Variants in OR2C1 observed in about 807,000 individuals in gnomAD.
OR2C1 encodes olfactory receptor 2C1.
For missense variants in OR2C1, 468 were observed against 388.3 expected (o/e 1.21, Z -1.73); for synonymous variants, 209 against 167.3 (o/e 1.25, Z -1.92).
the OR2C1 span, among the ~76,000 whole-genome samples, chr16:3,344,890 C>T: frequency 3.3e-5 from 5 of 152,014 alleles, 1 homozygote; most frequent in South Asian, 4.2e-4. Context: ...GTCAATTATC[C>T]GTTATGGACT....
At chr16:3,328,479 G>A in the OR2C1 span, among the ~76,000 whole-genome samples, 1 of 152,162 alleles carries the variant, frequency 6.6e-6, no homozygotes, top group Non-Finnish European at 1.5e-5. Context: ...ATTCAACATT[G>A]GGAAGATATT....
upstream of OR2C1, among the ~76,000 whole-genome samples, chr16:3,351,221 T>TTTC (rs1567284936): frequency 6.1e-3 from 28 of 4,600 alleles, no homozygotes; most frequent in African/African-American, 0.024. Context: ...TTTCTTTTTC[T>TTTC]TTTTCTTTTT....
upstream of OR2C1, among the ~76,000 whole-genome samples, chr16:3,352,681 C>G (rs2030590623): frequency 6.6e-6 from 1 of 151,682 alleles, no homozygotes; most frequent in African/African-American, 2.4e-5. Flanking sequence ...CAGCCCCCCA[C>G]AGACCAAACA....
At chr16:3,355,061 A>T (rs568423626), upstream of OR2C1, among the ~76,000 whole-genome samples, 1 of 152,226 alleles carries the variant, frequency 6.6e-6, no homozygotes, top group South Asian at 2.1e-4. Context: ...TGGTTTTGTC[A>T]TCATGAGGCA....
At position 3,356,630 on chromosome 16, in the gene OR2C1, T is replaced by C. The variant is rs568122326; in HGVS notation, c.690T>C (p.Ser230=). The C allele has an allele frequency of 3.1e-6, 5 of 1,614,204 alleles. No homozygotes were observed. Among genetic ancestry groups the C allele is most frequent in the Non-Finnish European group, 4.2e-6 (5 of 1,180,032 alleles). The change falls in exon 1 of 1, where the codon TCT becomes TCC. Residue 230 remains serine, a synonymous_variant. Coordinates refer to ENST00000304936, the MANE Select transcript of OR2C1 (RefSeq NM_012368.3). Reference sequence around the variant, plus strand: ...CTCAGGCAGTGCTGAAAATCCGCTCTGCAGAGGGGAGGCGAAAGGCGTTCA... The same window carrying C: ...CTCAGGCAGTGCTGAAAATCCGCTCCGCAGAGGGGAGGCGAAAGGCGTTCA... ...LIAQAVLKIR[S]AEGRRKAFNT...
the OR2C1 span, chr16:3,323,979 G>C: frequency 9.4e-6 from 5 of 532,378 alleles, no homozygotes; most frequent in Non-Finnish European, 1.3e-5. Flanking sequence ...AAACCAATAG[G>C]TATACTTCCA....
chr16:3,325,038 A>G, the OR2C1 span, among the ~76,000 whole-genome samples: 1 of 152,114 alleles, frequency 6.6e-6, no homozygotes, highest in Non-Finnish European at 1.5e-5. Flanking sequence ...CTGGAGTGCA[A>G]TGGCATGATC....
At chr16:3,325,368 C>G in the OR2C1 span, among the ~76,000 whole-genome samples, 3 of 151,492 alleles carry the variant, frequency 2.0e-5, no homozygotes, top group East Asian at 5.8e-4. Flanking sequence ...ATCCTCCTGC[C>G]TTGGCTTCCC....
the OR2C1 span, among the ~76,000 whole-genome samples, chr16:3,328,071 T>G: frequency 6.6e-6 from 1 of 152,324 alleles, no homozygotes; most frequent in South Asian, 2.1e-4. Context: ...AATGAGGAAT[T>G]TTCTCTCCTT....
chr16:3,334,411 C>G, the OR2C1 span, among the ~76,000 whole-genome samples: 8 of 151,596 alleles, frequency 5.3e-5, 1 homozygote, highest in African/African-American at 1.9e-4. Context: ...GCTGGGATTA[C>G]AGACTTGAGT....
chr16:3,352,264 C>T (rs2030583980), upstream of OR2C1, among the ~76,000 whole-genome samples: 1 of 151,730 alleles, frequency 6.6e-6, no homozygotes, highest in South Asian at 2.1e-4. Context: ...CTACAGGCGC[C>T]CACCACCACG....
Position 3,356,723 on chromosome 16 carries a change from TC to T in OR2C1, c.785del (p.Pro262ArgfsTer24). 1.2e-6 allele frequency: 2 copies of T among 1,614,132 alleles called. No homozygotes were observed. Among genetic ancestry groups the T allele is most frequent in the Non-Finnish European group, 1.7e-6 (2 of 1,180,010 alleles). On this transcript the variant is annotated frameshift_variant, in exon 1 of 1. Coordinates refer to ENST00000304936, the MANE Select transcript of OR2C1 (RefSeq NM_012368.3). LOFTEE classifies it low-confidence loss of function (END_TRUNC). ...YGSASYGYLLPAKNSKQDQGK... is the reference protein window; with the variant it reads ...YGSASYGYLLXAKNSKQDQGK... ...GCTCAGCCAGCTATGGGTATCTGCTTCCGGCCAAGAACAGCAAACAGGACCA... is the reference window on the plus strand; with the variant it reads ...GCTCAGCCAGCTATGGGTATCTGCTTCGGCCAAGAACAGCAAACAGGACCA...
At chr16:3,327,510 T>C in the OR2C1 span, among the ~76,000 whole-genome samples, 1 of 151,912 alleles carries the variant, frequency 6.6e-6, no homozygotes, top group Non-Finnish European at 1.5e-5. Flanking sequence ...AAGATGGCTT[T>C]GTAAGAAGAC....
chr16:3,342,985 A>G, the OR2C1 span, among the ~76,000 whole-genome samples: 1 of 152,200 alleles, frequency 6.6e-6, no homozygotes, highest in Admixed American at 6.5e-5. Context: ...AAGGTTACAT[A>G]CTGTGCAGCT....
At chr16:3,334,170 A>T in the OR2C1 span, among the ~76,000 whole-genome samples, 168 of 138,816 alleles carry the variant, frequency 1.2e-3, 2 homozygotes, top group Non-Finnish European at 2.3e-3. Flanking sequence ...ATGGAGTATC[A>T]CTCTCTCCCC....
the OR2C1 span, among the ~76,000 whole-genome samples, chr16:3,347,808 G>A: frequency 5.5e-5 from 8 of 144,544 alleles, no homozygotes; most frequent in East Asian, 2.1e-4. Context: ...ACACACGCAC[G>A]TGCACACACG....
chr16:3,351,545 C>T (rs2030574356), upstream of OR2C1, among the ~76,000 whole-genome samples: 2 of 152,160 alleles, frequency 1.3e-5, no homozygotes, highest in South Asian at 2.1e-4. Context: ...GCAAGTCTCC[C>T]GTCTTGGCCA....
At chr16:3,323,279 A>G in the OR2C1 span, 4 of 858,770 alleles carry the variant, frequency 4.7e-6, no homozygotes, top group African/African-American at 1.6e-5. Flanking sequence ...TTTTGGTAGC[A>G]TGATGGACCA....
the OR2C1 span, among the ~76,000 whole-genome samples, chr16:3,328,570 G>A: frequency 1.8e-3 from 280 of 152,322 alleles, 1 homozygote; most frequent in African/African-American, 6.5e-3. Context: ...TGTCTCCTGG[G>A]AGGACAATGT....
Sources: allele counts gnomAD v4.1 joint callset (sites outside exome capture counted in the v4.1 genomes callset), GRCh38; gene constraint gnomAD v4.1.1; transcripts MANE v1.5; gene names NCBI Gene and HGNC (gene_info 2026-07-23, HGNC 2026-07-21).